Variants in RIMS2 observed in about 807,000 individuals in gnomAD.
RIMS2 encodes regulating synaptic membrane exocytosis 2, also known as regulating synaptic membrane exocytosis protein 2.
Under a neutral mutation model 174.4 loss-of-function variants are expected in RIMS2, and 59 were observed. The observed-to-expected ratio is 0.34, with a 90% CI of 0.27 to 0.42. The LOEUF (loss-of-function observed/expected upper bound fraction) is 0.42, where lower values mean the gene tolerates loss of function less well. Among genes scored for constraint, RIMS2 ranks in the 10% least tolerant of loss-of-function variants. The pLI is 1.00. For missense variants in RIMS2, 1,620 were observed against 1,666.3 expected, an observed-to-expected ratio of 0.97 and a Z score of 0.48; for synonymous variants, 606 against 572.5, an observed-to-expected ratio of 1.06 and a Z score of -0.84.
chr8:103,685,880 T>C (rs529543481), intron 1 of RIMS2, among the ~76,000 whole-genome samples: 4 of 152,304 alleles, frequency 2.6e-5, no homozygotes, highest in African/African-American at 4.8e-5. Context: ...GGGAGTTTTA[T>C]TGGGAATGGC....
intron 1 of RIMS2, among the ~76,000 whole-genome samples, chr8:103,643,283 C>A (rs1378608181): frequency 6.6e-6 from 1 of 151,990 alleles, no homozygotes; most frequent in Non-Finnish European, 1.5e-5. Flanking sequence ...GTTTCCCTCT[C>A]TTTGCTCATA....
At chr8:103,660,484 C>T (rs2096585438) in intron 1 of RIMS2, among the ~76,000 whole-genome samples, 1 of 152,188 alleles carries the variant, frequency 6.6e-6, no homozygotes, top group South Asian at 2.1e-4. Flanking sequence ...ACCTCAGGGC[C>T]TCAGCCAGCC....
At chr8:103,736,001 G>A (rs568753347) in intron 2 of RIMS2, among the ~76,000 whole-genome samples, 1 of 152,194 alleles carries the variant, frequency 6.6e-6, no homozygotes, top group East Asian at 1.9e-4. Context: ...CTCCTGCATA[G>A]GTGCTAAAAT....
intron 3 of RIMS2, among the ~76,000 whole-genome samples, chr8:103,783,712 A>G (rs1476574233): frequency 2.0e-5 from 3 of 151,820 alleles, no homozygotes; most frequent in East Asian, 1.9e-4. Context: ...ATTGTGAATA[A>G]TGCTGCAATA....
At chr8:103,535,839 G>A (rs576233910) in intron 1 of RIMS2, among the ~76,000 whole-genome samples, 1 of 152,300 alleles carries the variant, frequency 6.6e-6, no homozygotes, top group South Asian at 2.1e-4. Flanking sequence ...TAGAGCAGTA[G>A]GCATGGTGTG....
intron 19 of RIMS2, among the ~76,000 whole-genome samples, chr8:104,187,874 A>G (rs954029524): frequency 2.0e-5 from 3 of 151,686 alleles, no homozygotes; most frequent in Non-Finnish European, 3.0e-5. Flanking sequence ...TTTCAAGATC[A>G]CACATATTTC....
At chr8:103,871,860 T>C (rs1224518930) in intron 3 of RIMS2, among the ~76,000 whole-genome samples, 1 of 152,194 alleles carries the variant, frequency 6.6e-6, no homozygotes, top group African/African-American at 2.4e-5. Flanking sequence ...GAATTCTTTC[T>C]TTCTCTCCTA....
chr8:103,717,584 C>T (rs1001551874), intron 2 of RIMS2, among the ~76,000 whole-genome samples: 17 of 152,118 alleles, frequency 1.1e-4, no homozygotes, highest in African/African-American at 3.6e-4. Flanking sequence ...TTTGTGGCTT[C>T]CACAATGAAT....
At chr8:104,007,677 T>G (rs1484259805) in intron 17 of RIMS2, among the ~76,000 whole-genome samples, 1 of 152,218 alleles carries the variant, frequency 6.6e-6, no homozygotes, top group Non-Finnish European at 1.5e-5. Flanking sequence ...CCTCTGTTGG[T>G]GGCTTTGTCC....
At chr8:103,605,215 G>T (rs1225863851) in intron 1 of RIMS2, among the ~76,000 whole-genome samples, 9 of 117,514 alleles carry the variant, frequency 7.7e-5, no homozygotes, top group African/African-American at 3.4e-4. Context: ...ATGAAGAGTT[G>T]TTGAATTTTG....
intron 19 of RIMS2, among the ~76,000 whole-genome samples, chr8:104,078,641 A>C (rs904062554): frequency 6.6e-6 from 1 of 152,258 alleles, no homozygotes; most frequent in East Asian, 1.9e-4. Context: ...AACACAATTC[A>C]GTCTATAACA....
At chr8:103,952,767 C>T (rs190223069) in intron 14 of RIMS2, among the ~76,000 whole-genome samples, 61 of 152,166 alleles carry the variant, frequency 4.0e-4, no homozygotes, top group African/African-American at 1.0e-3. Flanking sequence ...ATGAGTTTGA[C>T]GAATTGACAG....
intron 14 of RIMS2, among the ~76,000 whole-genome samples, chr8:103,959,995 G>C (rs199593158): frequency 2.0e-5 from 3 of 152,014 alleles, no homozygotes; most frequent in Non-Finnish European, 2.9e-5. Context: ...GCAAGAAATA[G>C]CTAAGATCAG....
intron 19 of RIMS2, chr8:104,223,523 G>C (rs1208378621): frequency 1.6e-5 from 23 of 1,413,522 alleles, no homozygotes; most frequent in Non-Finnish European, 2.1e-5. Context: ...GCAGGGGCCA[G>C]AGCCTCAGGG....
At chr8:104,249,338 G>A in intron 21 of RIMS2, 149 bp from the exon 28 acceptor site, 1 of 521,380 alleles carries the variant, frequency 1.9e-6, no homozygotes, top group South Asian at 2.9e-5. Context: ...CTTTTTAAAG[G>A]AAGATATTAT....
intron 6 of RIMS2, 112 bp from the exon 10 acceptor site, chr8:103,915,383 T>G (rs1262854614): frequency 1.9e-5 from 10 of 520,518 alleles, no homozygotes; most frequent in Admixed American, 1.0e-4. Context: ...TTTCTGTACA[T>G]TAAATTAGCG....
At chr8:103,613,082 A>G (rs2095423580) in intron 1 of RIMS2, among the ~76,000 whole-genome samples, 1 of 152,174 alleles carries the variant, frequency 6.6e-6, no homozygotes, top group African/African-American at 2.4e-5. Context: ...GGGCTCTACA[A>G]TTAGCAGATG....
intron 19 of RIMS2, among the ~76,000 whole-genome samples, chr8:104,183,476 G>A (rs1054277728): frequency 4.0e-5 from 6 of 151,484 alleles, no homozygotes; most frequent in African/African-American, 1.4e-4. Flanking sequence ...AGATGTTTAA[G>A]GATAATAAGA....
intron 19 of RIMS2, among the ~76,000 whole-genome samples, chr8:104,021,876 A>T (rs1273441498): frequency 1.3e-5 from 2 of 152,116 alleles, no homozygotes; most frequent in Non-Finnish European, 2.9e-5. Flanking sequence ...CTTTTCAAAG[A>T]TAGTTTGGTG....
Sources: allele counts gnomAD v4.1 joint callset (sites outside exome capture counted in the v4.1 genomes callset), GRCh38; gene constraint gnomAD v4.1.1; transcripts MANE v1.5; gene names NCBI Gene and HGNC (gene_info 2026-07-23, HGNC 2026-07-21).